XRCC4: variants seen among roughly 807,000 people sequenced by gnomAD.
The protein encoded by XRCC4 is X-ray repair cross complementing 4.
In XRCC4, 28 loss-of-function variants were observed where a neutral mutation model predicts 39.1. The ratio of observed to expected loss-of-function variants is 0.72; its 90% CI spans 0.53 to 0.98. XRCC4 has a LOEUF of 0.98. XRCC4 is among the 50% of genes least tolerant of loss of function. The probability of loss-of-function intolerance (pLI) is 0.00; values close to 1 mark genes in which losing one functional copy is unlikely to be tolerated. For synonymous variants in XRCC4, 123 were observed against 126.4 expected, an observed-to-expected ratio of 0.97 and a Z score of 0.18; for missense variants, 350 against 376.4, an observed-to-expected ratio of 0.93 and a Z score of 0.58.
At chr5:83,125,044 G>C (rs1383406332) in intron 3 of XRCC4, among the ~76,000 whole-genome samples, 1 of 152,128 alleles carries the variant, frequency 6.6e-6, no homozygotes, top group African/African-American at 2.4e-5. Flanking sequence ...GGTGTGTTAT[G>C]GTATCTTATT....
At chr5:83,123,979 G>T (rs1486222810) in intron 3 of XRCC4, among the ~76,000 whole-genome samples, 1 of 151,962 alleles carries the variant, frequency 6.6e-6, no homozygotes, top group East Asian at 1.9e-4. Context: ...AATACACAGA[G>T]GTCCTGTGTA....
At chr5:83,087,524 G>A (rs1219926264) in intron 1 of XRCC4, among the ~76,000 whole-genome samples, 2 of 151,892 alleles carry the variant, frequency 1.3e-5, no homozygotes, top group Non-Finnish European at 2.9e-5. Flanking sequence ...TCAGCCAGGC[G>A]TGGTGGTGCA....
intron 1 of XRCC4, among the ~76,000 whole-genome samples, chr5:83,093,000 G>C (rs1745499067): frequency 7.3e-6 from 1 of 136,430 alleles, no homozygotes; most frequent in Non-Finnish European, 1.6e-5. Context: ...TAAAAGACAA[G>C]GAGTAAATGA....
At chr5:83,355,890 G>A (rs530914988), downstream of XRCC4, among the ~76,000 whole-genome samples, 4 of 152,148 alleles carry the variant, frequency 2.6e-5, no homozygotes, top group Middle Eastern at 6.8e-3. Context: ...CGCCCACCTC[G>A]GCCTCCCAAA....
At chr5:83,367,467 C>A in the XRCC4 span, among the ~76,000 whole-genome samples, 1 of 152,194 alleles carries the variant, frequency 6.6e-6, no homozygotes, top group South Asian at 2.1e-4. Flanking sequence ...TGTCAGCCAG[C>A]CATCTGGCTC....
At chr5:83,156,370 A>G (rs1748964276) in intron 3 of XRCC4, among the ~76,000 whole-genome samples, 1 of 151,912 alleles carries the variant, frequency 6.6e-6, no homozygotes, top group South Asian at 2.1e-4. Context: ...CTGTAAAGGA[A>G]GTTTTGGGAA....
At chr5:83,113,152 C>T (rs10071013) in intron 3 of XRCC4, among the ~76,000 whole-genome samples, 73,942 of 152,040 alleles carry the variant, frequency 0.49, 18,780 homozygotes, top group African/African-American at 0.62. Flanking sequence ...ATTGGGTAAA[C>T]ATACCCATTT....
At chr5:83,163,283 C>T (rs1749308237) in intron 3 of XRCC4, among the ~76,000 whole-genome samples, 2 of 152,070 alleles carry the variant, frequency 1.3e-5, no homozygotes, top group African/African-American at 4.8e-5. Flanking sequence ...CATTCTCAGT[C>T]ATTTATCAGT....
intron 6 of XRCC4, among the ~76,000 whole-genome samples, chr5:83,253,530 G>A (rs1031909091): frequency 6.6e-6 from 1 of 151,808 alleles, no homozygotes; most frequent in Admixed American, 6.6e-5. Context: ...GTATTTGAGG[G>A]GGCTAGAGAT....
intron 7 of XRCC4, among the ~76,000 whole-genome samples, chr5:83,327,720 G>A (rs1561477470): frequency 1.3e-5 from 2 of 152,010 alleles, no homozygotes; most frequent in African/African-American, 2.4e-5. Flanking sequence ...GATTAAAGGA[G>A]TAAAACCTCA....
At chr5:83,084,888 G>GC (rs1410793200) in intron 1 of XRCC4, among the ~76,000 whole-genome samples, 1 of 152,172 alleles carries the variant, frequency 6.6e-6, no homozygotes, top group Admixed American at 6.5e-5. Context: ...TCTTCACCTA[G>GC]CCCTTAAGAC....
At chr5:83,178,040 T>A (rs1315972297) in intron 3 of XRCC4, among the ~76,000 whole-genome samples, 1 of 151,948 alleles carries the variant, frequency 6.6e-6, no homozygotes, top group Non-Finnish European at 1.5e-5. Flanking sequence ...GGAGAGCTAT[T>A]TCAGATATAG....
chr5:83,130,584 G>C (rs1392566006), intron 3 of XRCC4, among the ~76,000 whole-genome samples: 2 of 152,108 alleles, frequency 1.3e-5, no homozygotes, highest in South Asian at 2.1e-4. Context: ...ATTCAGCTGT[G>C]AATCCATCTG....
Position 83,258,471 on chromosome 5 carries a change from T to C in XRCC4, c.746-59T>C, listed in dbSNP as rs1386100667. ...TGTCAATGCTAAAACAGCAAGTTAA[T>C]ACTTACAAATGATGTGCATAATTTT... On this transcript the variant is annotated intron_variant, in intron 6 of 7. Coordinates refer to ENST00000396027, the MANE Select transcript of XRCC4 (RefSeq NM_003401.5). 3.8e-6 allele frequency: 6 copies of C among 1,563,692 alleles called. No homozygotes were observed. The East Asian group carries it at 1.4e-4, about 36-fold the overall frequency.
At chr5:83,113,562 G>A (rs1486529621) in intron 3 of XRCC4, among the ~76,000 whole-genome samples, 1 of 152,078 alleles carries the variant, frequency 6.6e-6, no homozygotes, top group Non-Finnish European at 1.5e-5. Flanking sequence ...CCTAGCAGAG[G>A]TTCTTCATGA....
At chr5:83,158,996 G>A (rs1052335747) in intron 3 of XRCC4, among the ~76,000 whole-genome samples, 16 of 152,066 alleles carry the variant, frequency 1.1e-4, no homozygotes, top group African/African-American at 3.9e-4. Context: ...CTGTTCCTCA[G>A]CCATACAAAT....
chr5:83,080,930 T>C (rs1441897196), intron 1 of XRCC4, among the ~76,000 whole-genome samples: 2 of 152,166 alleles, frequency 1.3e-5, no homozygotes, highest in African/African-American at 2.4e-5. Context: ...ATCTGTAAAA[T>C]TGTGAATAAG....
At chr5:83,263,186 A>C (rs1194700800) in intron 7 of XRCC4, among the ~76,000 whole-genome samples, 204 of 149,994 alleles carry the variant, frequency 1.4e-3, no homozygotes, top group African/African-American at 4.8e-3. Flanking sequence ...ATCATTTTTT[A>C]TGGCTGCATA....
At chr5:83,285,598 G>T (rs1754705056) in intron 7 of XRCC4, among the ~76,000 whole-genome samples, 1 of 152,122 alleles carries the variant, frequency 6.6e-6, no homozygotes, top group South Asian at 2.1e-4. Flanking sequence ...AATCAAAAGA[G>T]TGTCTTTTCA....
Sources: gnomAD v4.1 joint callset for allele counts (sites outside exome capture counted in the v4.1 genomes callset) on GRCh38, gnomAD v4.1.1 for gene constraint, MANE v1.5 for transcripts, NCBI Gene and HGNC (gene_info 2026-07-23, HGNC 2026-07-21) for gene names.